The following TMEM245 variants were observed in gnomAD, a reference collection of about 807,000 sequenced individuals.
The protein encoded by TMEM245 is transmembrane protein 245.
Under a neutral mutation model 101.2 loss-of-function variants are expected in TMEM245, and 69 were observed. That is an observed-to-expected ratio of 0.68 (90% CI 0.56 to 0.83). The LOEUF is 0.83. Among genes scored for constraint, TMEM245 ranks in the 40% least tolerant of loss-of-function variants. TMEM245 has a pLI of 0.00. For synonymous variants in TMEM245, 537 were observed against 449.8 expected (o/e 1.19, Z -2.45); for missense variants, 1,075 against 1,092.8 (o/e 0.98, Z 0.23).
At chr9:109,023,836 CAA>C (rs139227712) in intron 17 of TMEM245, among the ~76,000 whole-genome samples, 26 of 82,744 alleles carry the variant, frequency 3.1e-4, no homozygotes, top group Admixed American at 2.8e-4. Context: ...ACTCTGTTTC[CAA>C]AAAAAAAAAA....
intron 8 of TMEM245, among the ~76,000 whole-genome samples, chr9:109,074,903 A>C (rs1384774921): frequency 1.3e-5 from 2 of 152,232 alleles, no homozygotes; most frequent in Non-Finnish European, 2.9e-5. Flanking sequence ...GGGGATAATC[A>C]ACTCAGGTGC....
intron 5 of TMEM245, among the ~76,000 whole-genome samples, chr9:109,088,793 G>GCAA: frequency 7.0e-6 from 1 of 141,978 alleles, no homozygotes; most frequent in South Asian, 2.2e-4. Flanking sequence ...TCCAGCCTGG[G>GCAA]CAACAGAGCG....
At chr9:109,117,945 T>C (rs994345539) in intron 1 of TMEM245, among the ~76,000 whole-genome samples, 4 of 152,232 alleles carry the variant, frequency 2.6e-5, no homozygotes, top group African/African-American at 9.6e-5. Context: ...AGATAAAGGA[T>C]AAAGAGCGCT....
intron 1 of TMEM245, among the ~76,000 whole-genome samples, chr9:109,112,249 A>G (rs2132663186): frequency 6.6e-6 from 1 of 152,284 alleles, no homozygotes; most frequent in South Asian, 2.1e-4. Context: ...CAGTATTAAA[A>G]AGAAAAAAGT....
At chr9:109,075,310 G>GACACAAC (rs1564193255) in intron 8 of TMEM245, among the ~76,000 whole-genome samples, 1 of 152,140 alleles carries the variant, frequency 6.6e-6, no homozygotes, top group East Asian at 1.9e-4. Context: ...ATTTATAAGG[G>GACACAAC]ATACTGGTCT....
chr9:109,091,683 G>A (rs1830011684), intron 4 of TMEM245, among the ~76,000 whole-genome samples: 1 of 152,192 alleles, frequency 6.6e-6, no homozygotes, highest in East Asian at 1.9e-4. Context: ...CAAAAACAAT[G>A]ACAGATTTCT....
intron 12 of TMEM245, among the ~76,000 whole-genome samples, chr9:109,054,087 T>C (rs1467993754): frequency 6.6e-6 from 1 of 152,184 alleles, no homozygotes; most frequent in Non-Finnish European, 1.5e-5. Context: ...TCCCAGCACT[T>C]TGGGAGGCCG....
In TMEM245 at chr9:109,064,942, C is replaced by T. The variant is rs550780946; in HGVS notation, c.1533-375G>A. ...GTAGCTGAGATCATAGGCACGTCAC[C>T]ACGCCTGGCTAATTTTGTATTTTAG... On this transcript the variant is annotated intron_variant, in intron 9 of 17. Transcript: ENST00000374586. Among the ~76,000 whole-genome samples the T allele has an allele frequency of 2.0e-5, 3 of 152,170 alleles. No homozygotes were observed. In the South Asian group the frequency reaches 6.2e-4, roughly 32 times the overall value.
chr9:109,032,316 A>G (rs1488293113), intron 17 of TMEM245, among the ~76,000 whole-genome samples: 1 of 148,318 alleles, frequency 6.7e-6, no homozygotes, highest in East Asian at 2.0e-4. Context: ...CCCAATCCAG[A>G]AATCTATCCC....
chr9:109,107,357 C>T (rs1045921499), intron 2 of TMEM245, among the ~76,000 whole-genome samples: 3 of 151,044 alleles, frequency 2.0e-5, no homozygotes, highest in Non-Finnish European at 4.4e-5. Context: ...CAAGATCACA[C>T]CACTGCACTC....
At chr9:109,101,350 A>C (rs1436793986) in intron 3 of TMEM245, among the ~76,000 whole-genome samples, 1 of 152,180 alleles carries the variant, frequency 6.6e-6, no homozygotes, top group Non-Finnish European at 1.5e-5. Context: ...GAGCCGATGC[A>C]CACACTGTTG....
chr9:109,057,143 T>C, intron 12 of TMEM245, 48 bp downstream of exon 12: 1 of 1,590,044 alleles, frequency 6.3e-7, no homozygotes, highest in Non-Finnish European at 8.6e-7. Context: ...GGAATTACAG[T>C]TTGTTTTTAT....
At chr9:109,071,141 A>G (rs962466725) in intron 9 of TMEM245, among the ~76,000 whole-genome samples, 2 of 151,818 alleles carry the variant, frequency 1.3e-5, no homozygotes, top group Non-Finnish European at 2.9e-5. Flanking sequence ...TCGGCCTCCC[A>G]AAGTGCTGGG....
At chr9:109,033,557 A>G in intron 16 of TMEM245, 56 bp from the exon 17 acceptor site, 1 of 1,494,740 alleles carries the variant, frequency 6.7e-7, no homozygotes, top group Non-Finnish European at 9.0e-7. Flanking sequence ...TCTGAAATAC[A>G]TTTCTAATAC....
At chr9:109,041,956 C>T (rs1828322497) in intron 14 of TMEM245, among the ~76,000 whole-genome samples, 1 of 152,036 alleles carries the variant, frequency 6.6e-6, no homozygotes, top group Non-Finnish European at 1.5e-5. Context: ...CAGGGAAAAC[C>T]CCGTCTCTAC....
At chr9:109,057,750 A>G (rs1828882681) in intron 11 of TMEM245, among the ~76,000 whole-genome samples, 1 of 151,942 alleles carries the variant, frequency 6.6e-6, no homozygotes, top group African/African-American at 2.4e-5. Context: ...GACTCTGTCT[A>G]AAAAAGAAAA....
chr9:109,023,356 T>C (rs752662393), intron 17 of TMEM245, among the ~76,000 whole-genome samples: 2 of 152,214 alleles, frequency 1.3e-5, no homozygotes, highest in Admixed American at 6.5e-5. Flanking sequence ...TCCAGAGGCA[T>C]AGCTCTAACT....
chr9:109,047,878 A>T (rs1394045844), intron 14 of TMEM245, among the ~76,000 whole-genome samples: 2 of 152,204 alleles, frequency 1.3e-5, no homozygotes, highest in Non-Finnish European at 2.9e-5. Context: ...AAATAGCTTT[A>T]CCCCACTGGG....
intron 11 of TMEM245, among the ~76,000 whole-genome samples, chr9:109,058,010 T>G (rs991985050): frequency 2.0e-5 from 3 of 150,978 alleles, no homozygotes; most frequent in African/African-American, 4.9e-5. Context: ...TCCTCATTTT[T>G]TTTTTTTTGG....
Sources: allele counts gnomAD v4.1 joint callset (sites outside exome capture counted in the v4.1 genomes callset), GRCh38; gene constraint gnomAD v4.1.1; transcripts MANE v1.5; gene names NCBI Gene and HGNC (gene_info 2026-07-23, HGNC 2026-07-21).